CTNNA3: variants seen among roughly 807,000 people sequenced by gnomAD.
CTNNA3 encodes the protein catenin alpha-3.
Under a neutral mutation model 95.7 loss-of-function variants are expected in CTNNA3, and 76 were observed. That is an observed-to-expected ratio of 0.79 (90% CI 0.66 to 0.96). CTNNA3 has a LOEUF of 0.96. Ranked by LOEUF, CTNNA3 falls within the 40% of genes least tolerant of loss-of-function variation. The pLI, the probability that CTNNA3 is intolerant of heterozygous loss-of-function variation, is 0.00. For missense variants in CTNNA3, 1,191 were observed against 1,089.8 expected, an observed-to-expected ratio of 1.09 and a Z score of -1.31; for synonymous variants, 431 against 374.4, an observed-to-expected ratio of 1.15 and a Z score of -1.74.
chr10:67,038,302 T>C (rs1854189909), intron 7 of CTNNA3, among the ~76,000 whole-genome samples: 1 of 152,138 alleles, frequency 6.6e-6, no homozygotes, highest in Non-Finnish European at 1.5e-5. Flanking sequence ...CTTCAGTCCT[T>C]CAAATGTAGT....
At chr10:67,316,407 A>T (rs1283046830) in intron 5 of CTNNA3, among the ~76,000 whole-genome samples, 1 of 152,116 alleles carries the variant, frequency 6.6e-6, no homozygotes, top group African/African-American at 2.4e-5. Flanking sequence ...ATTTTTTGTC[A>T]AGGGCCTTAG....
intron 7 of CTNNA3, among the ~76,000 whole-genome samples, chr10:67,139,994 G>T (rs1860478738): frequency 6.6e-6 from 1 of 152,152 alleles, no homozygotes; most frequent in African/African-American, 2.4e-5. Flanking sequence ...TCTGTCTATA[G>T]AGTGCTTTAA....
intron 13 of CTNNA3, among the ~76,000 whole-genome samples, chr10:66,157,353 C>T (rs1441052147): frequency 1.3e-5 from 2 of 151,822 alleles, no homozygotes; most frequent in Non-Finnish European, 2.9e-5. Flanking sequence ...CCATCCAGGT[C>T]ACTGAAAATG....
intron 5 of CTNNA3, among the ~76,000 whole-genome samples, chr10:67,308,292 G>T (rs1564553953): frequency 1.3e-5 from 2 of 152,198 alleles, no homozygotes; most frequent in South Asian, 2.1e-4. Flanking sequence ...ACCCGGGGGG[G>T]AAGTAATTGA....
intron 7 of CTNNA3, among the ~76,000 whole-genome samples, chr10:66,824,786 C>T (rs1022794737): frequency 1.3e-5 from 2 of 152,058 alleles, no homozygotes; most frequent in East Asian, 1.9e-4. Flanking sequence ...AAGTCATCGC[C>T]GTCTAAAGAA....
chr10:66,792,290 T>C (rs1841002462), intron 7 of CTNNA3, among the ~76,000 whole-genome samples: 1 of 152,244 alleles, frequency 6.6e-6, no homozygotes, highest in Admixed American at 6.5e-5. Flanking sequence ...ATATTCCTCG[T>C]ATTTCATTAT....
At chr10:67,311,240 G>A (rs1432985619) in intron 5 of CTNNA3, among the ~76,000 whole-genome samples, 1 of 152,116 alleles carries the variant, frequency 6.6e-6, no homozygotes, top group Non-Finnish European at 1.5e-5. Context: ...AATGGTATTT[G>A]AAGAGGAAGA....
At chr10:67,106,349 A>G (rs1454413492) in intron 7 of CTNNA3, among the ~76,000 whole-genome samples, 1 of 152,224 alleles carries the variant, frequency 6.6e-6, no homozygotes, top group Non-Finnish European at 1.5e-5. Context: ...CTGTAATGAA[A>G]ACATGGTTTT....
chr10:67,763,273 TA>T (rs11311944), intron 1 of CTNNA3, among the ~76,000 whole-genome samples: 103,302 of 148,728 alleles, frequency 0.69, 37,310 homozygotes, highest in East Asian at 0.92. Flanking sequence ...TGCCAAAATT[TA>T]AAAAAAAAAA....
At chr10:66,784,250 A>G (rs1183803439) in intron 7 of CTNNA3, among the ~76,000 whole-genome samples, 1 of 152,218 alleles carries the variant, frequency 6.6e-6, no homozygotes, top group Non-Finnish European at 1.5e-5. Flanking sequence ...AGAAAGTTAA[A>G]TTAAAGCCTC....
At chr10:66,839,556 G>C (rs556289216) in intron 7 of CTNNA3, among the ~76,000 whole-genome samples, 133 of 152,134 alleles carry the variant, frequency 8.7e-4, no homozygotes, top group African/African-American at 3.0e-3. Flanking sequence ...GTTCTATCTA[G>C]TCTGGAATCC....
At chr10:67,232,450 G>C (rs1397112471) in intron 5 of CTNNA3, among the ~76,000 whole-genome samples, 9 of 151,964 alleles carry the variant, frequency 5.9e-5, no homozygotes, top group Admixed American at 1.3e-4. Flanking sequence ...ACTTTACAGA[G>C]AAGCAAATCC....
At chr10:65,952,251 GA>G (rs1395519479) in intron 17 of CTNNA3, among the ~76,000 whole-genome samples, 1 of 151,800 alleles carries the variant, frequency 6.6e-6, no homozygotes, top group Non-Finnish European at 1.5e-5. Flanking sequence ...CAATACAAAA[GA>G]AAAAAAGGAA....
chr10:65,944,769 G>A (rs2077483433), intron 17 of CTNNA3, among the ~76,000 whole-genome samples: 1 of 152,114 alleles, frequency 6.6e-6, no homozygotes, highest in Admixed American at 6.5e-5. Context: ...GGGGAGGCTT[G>A]TTTCATAGAC....
chr10:67,611,222 G>C lies in CTNNA3; in HGVS notation c.100-4173C>G, dbSNP rs572921752. 5.3e-5 allele frequency among the ~76,000 whole-genome samples: 8 copies of C among 152,146 alleles called. No individual in the cohort carries two copies. The South Asian group carries it at 1.5e-3, about 28-fold the overall frequency. The stretch of plus-strand genomic sequence containing the variant: ...CTTCTCTAAATGCTCTAAAGATGCT[G>C]AAAATTAAATTGATAAGCTTAATGA... On this transcript the variant is annotated intron_variant, in intron 2 of 17. Transcript: ENST00000433211.
intron 7 of CTNNA3, among the ~76,000 whole-genome samples, chr10:66,947,503 G>T (rs1336038317): frequency 6.6e-6 from 1 of 151,998 alleles, no homozygotes; most frequent in East Asian, 1.9e-4. Flanking sequence ...AACTGAGCCT[G>T]CCCTCTTTGT....
At chr10:66,435,964 T>C (rs7912695) in intron 11 of CTNNA3, among the ~76,000 whole-genome samples, 40,250 of 152,124 alleles carry the variant, frequency 0.26, 5,483 homozygotes, top group South Asian at 0.39. Flanking sequence ...GGTTGTTCAG[T>C]TTCCATGTAG....
intron 5 of CTNNA3, among the ~76,000 whole-genome samples, chr10:67,292,329 G>A (rs1268906092): frequency 6.6e-6 from 1 of 152,144 alleles, no homozygotes; most frequent in African/African-American, 2.4e-5. Context: ...GTAGGTGAAT[G>A]GGGCTGAGAG....
chr10:66,767,547 A>T (rs192122609), intron 8 of CTNNA3, among the ~76,000 whole-genome samples: 1 of 152,270 alleles, frequency 6.6e-6, no homozygotes, highest in East Asian at 1.9e-4. Context: ...CAAGACCTTC[A>T]TATAGTTCAA....
Sources: allele counts gnomAD v4.1 joint callset (sites outside exome capture counted in the v4.1 genomes callset), GRCh38; gene constraint gnomAD v4.1.1; transcripts MANE v1.5; gene names NCBI Gene and HGNC (gene_info 2026-07-23, HGNC 2026-07-21).